Variants in NCKAP5 observed in about 807,000 individuals in gnomAD.
NCKAP5 encodes nck-associated protein 5.
NCKAP5 carries 92 observed loss-of-function variants against 167.0 expected under a neutral mutation model. The observed-to-expected ratio is 0.55, with a 90% CI of 0.47 to 0.66. NCKAP5 has a LOEUF of 0.66. NCKAP5 is among the 30% of genes least tolerant of loss of function. The pLI is 0.00. For synonymous variants in NCKAP5, 891 were observed against 877.4 expected, an observed-to-expected ratio of 1.02 and a Z score of -0.27; for missense variants, 2,378 against 2,315.0, an observed-to-expected ratio of 1.03 and a Z score of -0.56.
intron 19 of NCKAP5, among the ~76,000 whole-genome samples, chr2:132,693,143 T>C (rs1686940439): frequency 6.6e-6 from 1 of 152,232 alleles, no homozygotes; most frequent in African/African-American, 2.4e-5. Flanking sequence ...CAAAATTCAT[T>C]CATTTCTCTA....
rs966327177 is a variant in NCKAP5, at chr2:133,177,675, G to C, written c.207+36041C>G. ...TTTCTAGTCGAGACTTCCATACTAG[G>C]GAGGCTATCATGAGGCACCCCAACA... is the stretch of plus-strand genomic sequence containing the variant. On this transcript the variant is annotated intron_variant, in intron 5 of 19. Transcript: ENST00000409261. Among the ~76,000 whole-genome samples the C allele has an allele frequency of 2.0e-5, 3 of 152,086 alleles. No individual in the cohort carries two copies. The East Asian group carries it at 5.8e-4, about 29-fold the overall frequency.
chr2:132,934,661 A>G (rs904016890), intron 8 of NCKAP5, among the ~76,000 whole-genome samples: 4 of 152,222 alleles, frequency 2.6e-5, no homozygotes, highest in African/African-American at 9.7e-5. Context: ...TTTTAAATCA[A>G]TTTATTTTAC....
chr2:132,687,750 CA>C (rs1686148134), intron 19 of NCKAP5, among the ~76,000 whole-genome samples: 2 of 150,190 alleles, frequency 1.3e-5, no homozygotes, highest in African/African-American at 5.0e-5. Context: ...CACACACACA[CA>C]CACACCCTTC....
At chr2:132,872,686 A>G (rs984577928) in intron 9 of NCKAP5, among the ~76,000 whole-genome samples, 4 of 152,170 alleles carry the variant, frequency 2.6e-5, no homozygotes, top group African/African-American at 9.7e-5. Context: ...GAGCTATTTC[A>G]CCATGAAAAG....
chr2:132,878,779 T>C (rs1691518922), intron 9 of NCKAP5, 69 bp downstream of exon 9: 1 of 1,161,794 alleles, frequency 8.6e-7, no homozygotes. Flanking sequence ...CACACACACA[T>C]TTTGAGATCA....
intron 7 of NCKAP5, among the ~76,000 whole-genome samples, chr2:132,978,046 A>T (rs2077027280): frequency 6.6e-6 from 1 of 152,218 alleles, no homozygotes; most frequent in Non-Finnish European, 1.5e-5. Context: ...CTGCCAGATG[A>T]TTCATCTTGG....
chr2:132,811,003 G>T (rs553412334), intron 11 of NCKAP5, among the ~76,000 whole-genome samples: 1 of 152,120 alleles, frequency 6.6e-6, no homozygotes, highest in African/African-American at 2.4e-5. Flanking sequence ...CTATGGATGT[G>T]GCTTCCTGTA....
chr2:133,239,376 T>C (rs2087572806), intron 4 of NCKAP5, among the ~76,000 whole-genome samples: 3 of 152,222 alleles, frequency 2.0e-5, no homozygotes, highest in African/African-American at 7.2e-5. Context: ...TACAAGAGCA[T>C]GAAACAAGCA....
intron 19 of NCKAP5, among the ~76,000 whole-genome samples, chr2:132,696,451 A>G (rs1041760119): frequency 1.2e-4 from 18 of 152,342 alleles, no homozygotes; most frequent in Admixed American, 2.0e-4. Context: ...ACCTGTGTTC[A>G]ATCACTGATA....
chr2:133,184,392 T>C (rs2084857537), intron 5 of NCKAP5, among the ~76,000 whole-genome samples: 1 of 152,168 alleles, frequency 6.6e-6, no homozygotes, highest in Non-Finnish European at 1.5e-5. Flanking sequence ...GTTGGTTCCA[T>C]GTCTTCGTTA....
At chr2:133,009,008 G>A (rs2078063980) in intron 6 of NCKAP5, among the ~76,000 whole-genome samples, 1 of 152,080 alleles carries the variant, frequency 6.6e-6, no homozygotes, top group African/African-American at 2.4e-5. Context: ...CTGTATTCCT[G>A]ACAATTGTGG....
intron 16 of NCKAP5, among the ~76,000 whole-genome samples, chr2:132,750,251 G>T (rs1680002471): frequency 6.6e-6 from 1 of 152,116 alleles, no homozygotes; most frequent in South Asian, 2.1e-4. Context: ...GCGTAAGGAA[G>T]ACTTGACAGA....
At chr2:132,772,412 A>G (rs749895262) in intron 16 of NCKAP5, among the ~76,000 whole-genome samples, 6 of 152,228 alleles carry the variant, frequency 3.9e-5, no homozygotes, top group African/African-American at 1.4e-4. Flanking sequence ...CAGCACAGAT[A>G]CAAAGAATTG....
intron 8 of NCKAP5, chr2:132,930,594 C>A (rs1394470313): frequency 6.6e-6 from 1 of 152,212 alleles, no homozygotes; most frequent in Non-Finnish European, 1.5e-5. Flanking sequence ...CAGTGGCCTC[C>A]CAGTTCTCAG....
At chr2:133,000,224 C>A (rs377501192) in intron 6 of NCKAP5, among the ~76,000 whole-genome samples, 1 of 152,132 alleles carries the variant, frequency 6.6e-6, no homozygotes, top group Non-Finnish European at 1.5e-5. Context: ...TCCCAAACTT[C>A]TCACTTTGAG....
intron 6 of NCKAP5, among the ~76,000 whole-genome samples, chr2:133,002,720 C>G (rs2077828941): frequency 6.6e-6 from 1 of 152,216 alleles, no homozygotes; most frequent in African/African-American, 2.4e-5. Context: ...ACTCTGAGCT[C>G]TCCTCCTGAG....
rs1220560458 is a variant in NCKAP5 at position 133,290,747 on chromosome 2, T to TG, written c.143+12289_143+12290insC. Among the ~76,000 whole-genome samples the TG allele has an allele frequency of 1.7e-3, 248 of 145,326 alleles. 4 individuals carry two copies. Among genetic ancestry groups the TG allele is most frequent in the Non-Finnish European group, 1.1e-3 (72 of 67,280 alleles). Reference sequence around the variant, plus strand: ...TTTCTCCTTTTTTTTTTTTTTTTTTTTTGTTGTTGTTGTTGTTTATTTTTG... The same window carrying TG: ...TTTCTCCTTTTTTTTTTTTTTTTTTTGTTGTTGTTGTTGTTGTTTATTTTTG... On this transcript the variant is annotated intron_variant, in intron 4 of 19. Transcript: ENST00000409261.
intron 11 of NCKAP5, among the ~76,000 whole-genome samples, chr2:132,853,521 CT>C (rs2105496491): frequency 1.3e-5 from 2 of 152,262 alleles, no homozygotes; most frequent in East Asian, 3.9e-4. Flanking sequence ...CAGCCATGTG[CT>C]CTTGAAAGCA....
At chr2:133,195,536 A>G (rs951883733) in intron 5 of NCKAP5, among the ~76,000 whole-genome samples, 26 of 152,176 alleles carry the variant, frequency 1.7e-4, no homozygotes, top group African/African-American at 6.0e-4. Flanking sequence ...CTCCATAAAT[A>G]CTGAAGAGGA....
Sources: gnomAD v4.1 joint callset for allele counts (sites outside exome capture counted in the v4.1 genomes callset) on GRCh38, gnomAD v4.1.1 for gene constraint, MANE v1.5 for transcripts, NCBI Gene and HGNC (gene_info 2026-07-23, HGNC 2026-07-21) for gene names.